BRF1: variants seen among roughly 807,000 people sequenced by gnomAD.
BRF1 encodes BRF1 general transcription factor IIIB subunit.
A neutral mutation model predicts 81.7 loss-of-function variants in BRF1; 59 were observed. The observed-to-expected ratio is 0.72, with a 90% CI of 0.59 to 0.90. The LOEUF is 0.90. Among genes scored for constraint, BRF1 ranks in the 40% least tolerant of loss-of-function variants. BRF1 has a pLI of 0.00. For missense variants in BRF1, 1,050 were observed against 936.3 expected (o/e 1.12, Z -1.58); for synonymous variants, 491 against 395.6 (o/e 1.24, Z -2.86).
chr14:105,242,853 C>T (rs1482125467), intron 5 of BRF1, among the ~76,000 whole-genome samples: 4 of 151,622 alleles, frequency 2.6e-5, no homozygotes, highest in Non-Finnish European at 2.9e-5. Context: ...CTGCGGCTTA[C>T]GCCTGTAATC....
chr14:105,252,400 G>C, intron 5 of BRF1, 107 bp downstream of exon 5: 1 of 1,475,646 alleles, frequency 6.8e-7, no homozygotes, highest in East Asian at 2.4e-5. Context: ...TTACCTTGAG[G>C]GGTCCCATGC....
In BRF1 at chr14:105,219,170, C is replaced by A. The variant is rs984424260; in HGVS notation, c.1440G>T (p.Glu480Asp). The change falls in exon 13 of 18, where the codon GAG (glutamate) becomes GAT (aspartate). Residue 480 changes from glutamate (E) to aspartate (D), a missense_variant. Transcript: ENST00000547530. ...GCTTACCCCTCTGTTCCCGCAGGTA[C>A]TCGGCGTTCTCCCTCATCCACAGCT... ...KAELWMRENA[E>D]YLREQREKEA... The A allele has an allele frequency of 3.1e-6, 5 of 1,612,352 alleles. No homozygotes were observed. The highest frequency in any genetic ancestry group is 4.2e-6 in the Non-Finnish European group (5 of 1,178,772).
upstream of BRF1, among the ~76,000 whole-genome samples, chr14:105,301,533 G>GA (rs1358735015): frequency 6.6e-6 from 1 of 152,114 alleles, no homozygotes; most frequent in Non-Finnish European, 1.5e-5. Flanking sequence ...CAGCTGCGCT[G>GA]GGGGGCCTGG....
At chr14:105,282,896 G>A (rs1304824261) in intron 2 of BRF1, among the ~76,000 whole-genome samples, 1 of 152,170 alleles carries the variant, frequency 6.6e-6, no homozygotes, top group East Asian at 1.9e-4. Flanking sequence ...TCGCGCCACT[G>A]CACTCCAGCC....
At chr14:105,306,952 G>C (rs866022382) in intron 1 of BRF1, among the ~76,000 whole-genome samples, 1 of 151,904 alleles carries the variant, frequency 6.6e-6, no homozygotes, top group Non-Finnish European at 1.5e-5. Context: ...GGGTCTCGTG[G>C]ACCTAGAGAG....
intron 6 of BRF1, among the ~76,000 whole-genome samples, chr14:105,240,999 C>T (rs587733036): frequency 6.6e-6 from 1 of 152,218 alleles, no homozygotes; most frequent in African/African-American, 2.4e-5. Context: ...CAGCCGCACC[C>T]CAGAAGTAGG....
At chr14:105,252,417 A>G in intron 5 of BRF1, 90 bp downstream of exon 5, 1 of 1,515,740 alleles carries the variant, frequency 6.6e-7, no homozygotes, top group South Asian at 1.3e-5. Flanking sequence ...ATGCTTGGAC[A>G]GGATTTCCCT....
intron 3 of BRF1, among the ~76,000 whole-genome samples, chr14:105,266,599 C>T (rs1488870750): frequency 6.6e-6 from 1 of 152,044 alleles, no homozygotes; most frequent in African/African-American, 2.4e-5. Context: ...GAGTCCTATA[C>T]ACAAAAGTCT....
At chr14:105,287,389 A>G (rs587754336) in intron 1 of BRF1, among the ~76,000 whole-genome samples, 27 of 152,202 alleles carry the variant, frequency 1.8e-4, no homozygotes, top group African/African-American at 6.5e-4. Flanking sequence ...AGGCATGCCC[A>G]AAGATGGGGA....
chr14:105,241,145 C>G (rs1363505491), intron 6 of BRF1, 120 bp downstream of exon 6: 4 of 1,481,770 alleles, frequency 2.7e-6, no homozygotes, highest in Admixed American at 2.0e-5. Flanking sequence ...CCCCGGGAGG[C>G]TGGAGGCAGC....
At chr14:105,293,493 G>C (rs2057606306) in intron 1 of BRF1, among the ~76,000 whole-genome samples, 3 of 152,246 alleles carry the variant, frequency 2.0e-5, no homozygotes, top group Admixed American at 1.3e-4. Context: ...GCAAGCAGGA[G>C]CCCAGGATGT....
intron 1 of BRF1, among the ~76,000 whole-genome samples, chr14:105,290,736 C>T (rs1377814098): frequency 6.6e-6 from 1 of 152,030 alleles, no homozygotes; most frequent in Non-Finnish European, 1.5e-5. Flanking sequence ...CTGTCTTGCA[C>T]CCTCCAGCCT....
intron 12 of BRF1, 149 bp downstream of exon 12, chr14:105,219,920 C>T: frequency 1.2e-6 from 1 of 818,058 alleles, no homozygotes; most frequent in South Asian, 1.7e-5. Flanking sequence ...GTCCCGGGAA[C>T]AGTGGCCAGA....
At chr14:105,216,045 C>T (rs868392967) in intron 15 of BRF1, among the ~76,000 whole-genome samples, 7 of 139,750 alleles carry the variant, frequency 5.0e-5, no homozygotes, top group Admixed American at 3.5e-4. Flanking sequence ...ACACACACTG[C>T]GTACACAGAC....
intron 10 of BRF1, chr14:105,222,262 C>A: frequency 4.5e-6 from 1 of 222,782 alleles, no homozygotes; most frequent in Non-Finnish European, 8.7e-6. Flanking sequence ...TTAAGAACTG[C>A]CCTTTGAAAG....
chr14:105,279,890 C>A (rs2056997188), intron 2 of BRF1, among the ~76,000 whole-genome samples: 1 of 152,238 alleles, frequency 6.6e-6, no homozygotes, highest in Non-Finnish European at 1.5e-5. Context: ...ACTACTTACA[C>A]GCTCCAAAAC....
intron 5 of BRF1, chr14:105,247,079 A>G: frequency 2.0e-6 from 2 of 985,372 alleles, no homozygotes; most frequent in African/African-American, 1.7e-5. Context: ...ACCTTTTTCT[A>G]TGGAAACAGA....
chr14:105,220,637 G>A (rs1892132199), intron 11 of BRF1, among the ~76,000 whole-genome samples: 1 of 152,178 alleles, frequency 6.6e-6, no homozygotes, highest in South Asian at 2.1e-4. Context: ...CCCAAAACCT[G>A]CCTGTCACCC....
At chr14:105,259,450 TA>T (rs1247817298) in intron 3 of BRF1, among the ~76,000 whole-genome samples, 1 of 151,958 alleles carries the variant, frequency 6.6e-6, no homozygotes, top group Non-Finnish European at 1.5e-5. Flanking sequence ...TCTCTAAAAA[TA>T]AAAAGAAATA....
Sources: allele counts gnomAD v4.1 joint callset (sites outside exome capture counted in the v4.1 genomes callset), GRCh38; gene constraint gnomAD v4.1.1; transcripts MANE v1.5; gene names NCBI Gene and HGNC (gene_info 2026-07-23, HGNC 2026-07-21).